Variants in IKBKG observed in about 807,000 individuals in gnomAD.
IKBKG encodes NF-kappa-B essential modulator.
Under a neutral mutation model 13.7 loss-of-function variants are expected in IKBKG, and 2 were observed. That is an observed-to-expected ratio of 0.15 (90% CI 0.06 to 0.46). IKBKG has a LOEUF of 0.46. Among genes scored for constraint, IKBKG ranks in the 20% least tolerant of loss-of-function variants. The probability of loss-of-function intolerance (pLI) is 0.98; values close to 1 mark genes in which losing one functional copy is unlikely to be tolerated. For synonymous variants in IKBKG, 22 were observed against 64.4 expected (o/e 0.34, Z 3.15); for missense variants, 53 against 150.3 (o/e 0.35, Z 3.39).
intron 2 of IKBKG, among the ~76,000 whole-genome samples, chrX:154,552,654 GAGGGGCGTGGTCTGTCTTGGGAAGGA>G (rs1213304093): frequency 9.1e-6 from 1 of 110,227 alleles, no homozygotes; most frequent in Non-Finnish European, 1.9e-5. Context: ...TGCCCTGGTA[GAGGGGCGTGGTCTGTCTTGGGAAGGA>G]AGGTGCGTGG....
chrX:154,550,882 G>A (rs1244818181), intron 1 of IKBKG, among the ~76,000 whole-genome samples: 1 of 109,452 alleles, frequency 9.1e-6, no homozygotes, highest in African/African-American at 3.3e-5. Flanking sequence ...GCGATCCCGG[G>A]TTCACGCCAT....
chrX:154,550,234 T>TTGTG (rs371906365), intron 1 of IKBKG, among the ~76,000 whole-genome samples: 116 of 99,543 alleles, frequency 1.2e-3, no homozygotes, highest in East Asian at 5.5e-3. Flanking sequence ...AGATGTGCTC[T>TTGTG]TGTGTGTGTG....
rs2071138174 is a variant in IKBKG at position 154,562,737 on chromosome X, C to T, written c.769-73C>T. On this transcript the variant is annotated intron_variant, in intron 6 of 9. Transcript: ENST00000594239. ...TGGTCAGCCAGGGCCACTCTTTCAT[C>T]CTTCTCAGTTCTTCTCAGCCAGCCT... is the stretch of plus-strand genomic sequence containing the variant. 8 of 241,254 alleles carry T rather than the reference C, an allele frequency of 3.3e-5. No individual in the cohort carries two copies. The South Asian group carries it at 3.9e-4, about 12-fold the overall frequency. 19.9% of individuals were successfully genotyped at this position (241,254 alleles called of 1,213,427 possible).
intron 2 of IKBKG, among the ~76,000 whole-genome samples, chrX:154,555,302 C>A (rs1478936178): frequency 8.9e-6 from 1 of 111,735 alleles, no homozygotes; most frequent in African/African-American, 3.3e-5. Context: ...TTAGGACCCC[C>A]GATCTAGAAG....
intron 1 of IKBKG, among the ~76,000 whole-genome samples, chrX:154,550,004 C>T (rs1348392460): frequency 8.9e-6 from 1 of 111,874 alleles, no homozygotes; most frequent in Non-Finnish European, 1.9e-5. Flanking sequence ...CATGTGGACA[C>T]ATGTGTTTTC....
chrX:154,543,442 G>A (rs1557232454), upstream of IKBKG, among the ~76,000 whole-genome samples: 2 of 112,373 alleles, frequency 1.8e-5, no homozygotes, highest in Non-Finnish European at 3.8e-5. Context: ...GGAAAAGGAA[G>A]ACACTTGCTC....
chrX:154,560,513 G>GTGGA lies in IKBKG; in HGVS notation c.626_629dup (p.Glu210AspfsTer45). On this transcript the variant is annotated frameshift_variant, in exon 5 of 10. Transcript: ENST00000594239. LOFTEE classifies it high-confidence loss of function. ...CCAGCTGCGCATGCAGGGCCAGAGC[G>GTGGA]TGGAGGCCGCGCTCCGCATGGAGCG... 1 of 517,860 alleles carries GTGGA rather than the reference G, an allele frequency of 1.9e-6. No individual in the cohort carries two copies. The allele number at this position is 517,860 out of a possible 1,213,427, so 42.7% of individuals were successfully genotyped here. A position where few individuals can be genotyped will look rare whatever the true frequency, so the allele number is the denominator to read the frequency against.
chrX:154,546,758 C>CCGCCTGCGCGG (rs782644091), upstream of IKBKG: 87 of 1,118,740 alleles, frequency 7.8e-5, no homozygotes, highest in East Asian at 2.7e-3. Context: ...GTACGCTCCT[C>CCGCCTGCGCGG]CGCCTGCGCG....
upstream of IKBKG, chrX:154,545,836 CAAAAA>C (rs781893284): frequency 1.5e-3 from 409 of 281,525 alleles, no homozygotes; most frequent in East Asian, 2.0e-3. Context: ...ACTCCGTCTC[CAAAAA>C]AAAAAAAAAA....
chrX:154,545,725 C>T (rs1557233037), upstream of IKBKG: 4 of 263,814 alleles, frequency 1.5e-5, no homozygotes, highest in Non-Finnish European at 2.7e-5. Flanking sequence ...ATCTCAGCTA[C>T]TTGGGGGGCT....
intron 2 of IKBKG, among the ~76,000 whole-genome samples, chrX:154,553,923 C>T (rs1277927048): frequency 8.9e-6 from 1 of 112,273 alleles, no homozygotes; most frequent in Non-Finnish European, 1.9e-5. Flanking sequence ...TGCAGGCCAG[C>T]TGTGCAGGGA....
At chrX:154,551,607 G>A (rs2070935006) in intron 1 of IKBKG, among the ~76,000 whole-genome samples, 1 of 111,516 alleles carries the variant, frequency 9.0e-6, no homozygotes, top group African/African-American at 3.3e-5. Context: ...TTTTCGGGGG[G>A]CTACCATTCA....
At chrX:154,553,656 T>C (rs1557235522) in intron 2 of IKBKG, among the ~76,000 whole-genome samples, 1 of 112,659 alleles carries the variant, frequency 8.9e-6, no homozygotes. Flanking sequence ...GAGAATTCTC[T>C]TGTACGTTGT....
upstream of IKBKG, chrX:154,547,563 C>G (rs1241552525): frequency 2.7e-5 from 20 of 754,084 alleles, no homozygotes; most frequent in Non-Finnish European, 2.8e-5. Flanking sequence ...GCCGGCTTCC[C>G]GAGTTCTCGG....
intron 1 of IKBKG, among the ~76,000 whole-genome samples, chrX:154,548,994 CT>C (rs1329510045): frequency 0.034 from 3,173 of 93,914 alleles, 112 homozygotes; most frequent in African/African-American, 0.1. Context: ...TTCTTTCTTT[CT>C]TTTTTTTTTT....
At chrX:154,555,124 C>T (rs2071027661) in intron 2 of IKBKG, among the ~76,000 whole-genome samples, 2 of 111,566 alleles carry the variant, frequency 1.8e-5, no homozygotes, top group Admixed American at 9.5e-5. Context: ...CCCTCCTCGT[C>T]TTGTAAGATG....
intron 1 of IKBKG, among the ~76,000 whole-genome samples, chrX:154,550,961 C>T (rs894286957): frequency 1.8e-5 from 2 of 110,544 alleles, no homozygotes; most frequent in African/African-American, 3.3e-5. Context: ...TACAGGCGCC[C>T]GCTACCATGC....
At position 154,547,713 on chromosome X, in the gene IKBKG, A is replaced by C; in HGVS notation, c.-48A>C. ...CCAGCGTTCACAGTCCGCCGCTCCC[A>C]CCCTTCTCACGTCTGACGGACTCTG... On this transcript the variant is annotated 5_prime_UTR_variant, in exon 1 of 10. Coordinates refer to ENST00000594239, the MANE Select transcript of IKBKG (RefSeq NM_001099857.5). 2.7e-6 allele frequency: 2 copies of C among 754,317 alleles called. No homozygotes were observed. Among genetic ancestry groups the C allele is most frequent in the South Asian group, 1.3e-4 (2 of 14,853 alleles). 62.2% of individuals were successfully genotyped at this position (754,317 alleles called of 1,213,427 possible). A position where few individuals can be genotyped will look rare whatever the true frequency, so the allele number is the denominator to read the frequency against.
chrX:154,548,891 C>T (rs1397527698), intron 1 of IKBKG, among the ~76,000 whole-genome samples: 1 of 111,134 alleles, frequency 9.0e-6, no homozygotes, highest in Non-Finnish European at 1.9e-5. Flanking sequence ...ACATTCACAG[C>T]TACCAACTTC....
Sources: gnomAD v4.1 joint callset for allele counts (sites outside exome capture counted in the v4.1 genomes callset) on GRCh38, gnomAD v4.1.1 for gene constraint, MANE v1.5 for transcripts, NCBI Gene and HGNC (gene_info 2026-07-23, HGNC 2026-07-21) for gene names.